The following ERI3 variants were observed in gnomAD, a reference collection of about 807,000 sequenced individuals.
The protein encoded by ERI3 is ERI1 exoribonuclease 3.
ERI3 carries 18 observed loss-of-function variants against 44.4 expected under a neutral mutation model. The ratio of observed to expected loss-of-function variants is 0.41; its 90% CI spans 0.28 to 0.60. The LOEUF (loss-of-function observed/expected upper bound fraction) is 0.60. Ranked by LOEUF, ERI3 falls within the 20% of genes least tolerant of loss-of-function variation. The pLI, the probability that ERI3 is intolerant of heterozygous loss-of-function variation, is 0.36. For missense variants in ERI3, 294 were observed against 435.5 expected (o/e 0.68, Z 2.89); for synonymous variants, 183 against 164.8 (o/e 1.11, Z -0.84).
At chr1:44,335,829 A>G (rs1442750867) in intron 3 of ERI3, among the ~76,000 whole-genome samples, 1 of 151,946 alleles carries the variant, frequency 6.6e-6, no homozygotes, top group Admixed American at 6.5e-5. Flanking sequence ...GACAGCCATC[A>G]AGCCGTTCTG....
chr1:44,354,795 C>G (rs1249813021), intron 1 of ERI3, 97 bp downstream of exon 1: 20 of 1,290,204 alleles, frequency 1.6e-5, no homozygotes, highest in Admixed American at 6.9e-5. Flanking sequence ...GCACATGGGC[C>G]AGCACCCCAG....
chr1:44,296,809 C>T (rs1300612682), intron 6 of ERI3, among the ~76,000 whole-genome samples: 2 of 152,144 alleles, frequency 1.3e-5, no homozygotes, highest in Non-Finnish European at 1.5e-5. Context: ...CCAGCTTGCC[C>T]CTTAGCTGAC....
At chr1:44,343,258 A>G (rs541098794) in intron 2 of ERI3, among the ~76,000 whole-genome samples, 1 of 152,280 alleles carries the variant, frequency 6.6e-6, no homozygotes, top group South Asian at 2.1e-4. Context: ...AAAGATATAA[A>G]TCAATAAAAT....
chr1:44,322,353 G>C (rs1646220731), intron 3 of ERI3, among the ~76,000 whole-genome samples: 1 of 149,874 alleles, frequency 6.7e-6, no homozygotes, highest in Admixed American at 6.7e-5. Context: ...TGCTCCCAGA[G>C]AGGAAGAACA....
At chr1:44,308,424 T>C (rs1415512403) in intron 5 of ERI3, 23 bp from the exon 6 acceptor site, 3 of 1,605,366 alleles carry the variant, frequency 1.9e-6, no homozygotes, top group Non-Finnish European at 2.6e-6. Context: ...CAAGAACAAA[T>C]GAGATTTTCC....
intron 5 of ERI3, 100 bp downstream of exon 5, chr1:44,313,069 T>C: frequency 9.9e-7 from 1 of 1,014,244 alleles, no homozygotes; most frequent in Non-Finnish European, 1.6e-6. Flanking sequence ...AATCAAGCCA[T>C]AATCATAGTC....
intron 7 of ERI3, chr1:44,283,947 T>G: frequency 2.1e-6 from 1 of 467,538 alleles, no homozygotes; most frequent in Non-Finnish European, 4.4e-6. Context: ...CTCACCCCCC[T>G]TGACCTCTCT....
At chr1:44,249,856 T>C (rs1185527985) in intron 7 of ERI3, among the ~76,000 whole-genome samples, 1 of 152,050 alleles carries the variant, frequency 6.6e-6, no homozygotes, top group Non-Finnish European at 1.5e-5. Context: ...TAAAATCACT[T>C]ACAAAGGCCG....
rs541671455 is a variant in ERI3, at chr1:44,332,958, G to A, written c.489+6087C>T. Among the ~76,000 whole-genome samples the A allele has an allele frequency of 2.1e-4, 32 of 152,352 alleles. No individual in the cohort carries two copies. The South Asian group carries it at 6.0e-3, about 29-fold the overall frequency. On this transcript the variant is annotated intron_variant, in intron 3 of 8. Transcript: ENST00000372257. Reference sequence around the variant, plus strand: ...AGAGGAATTCATTTATAGTGACCCTGAAAGAAGAGATGTGTTAAAGTAGAG... The same window carrying A: ...AGAGGAATTCATTTATAGTGACCCTAAAAGAAGAGATGTGTTAAAGTAGAG...
At chr1:44,344,324 T>A (rs1340932425) in intron 2 of ERI3, among the ~76,000 whole-genome samples, 4 of 152,174 alleles carry the variant, frequency 2.6e-5, no homozygotes. Flanking sequence ...AATTTTAAAA[T>A]TAAAAATATC....
chr1:44,312,897 G>T (rs1376860866), intron 5 of ERI3, among the ~76,000 whole-genome samples: 6 of 152,256 alleles, frequency 3.9e-5, no homozygotes, highest in Non-Finnish European at 8.8e-5. Flanking sequence ...GAGTCAGCCA[G>T]CATAGGGCCA....
chr1:44,279,672 C>A (rs192408673), intron 7 of ERI3, among the ~76,000 whole-genome samples: 2 of 152,316 alleles, frequency 1.3e-5, no homozygotes, highest in Non-Finnish European at 2.9e-5. Context: ...TCTCCTTCTC[C>A]CATTATCTCA....
chr1:44,225,918 T>C (rs905693507), intron 8 of ERI3, among the ~76,000 whole-genome samples: 1 of 152,182 alleles, frequency 6.6e-6, no homozygotes, highest in African/African-American at 2.4e-5. Flanking sequence ...AGTGATCTTG[T>C]ACCATATGGC....
chr1:44,258,058 T>C (rs1489000254), intron 7 of ERI3, among the ~76,000 whole-genome samples: 1 of 152,170 alleles, frequency 6.6e-6, no homozygotes, highest in Admixed American at 6.5e-5. Flanking sequence ...CTGTTAGGGC[T>C]AATCCCCTCA....
At chr1:44,328,009 CAGG>C (rs1238548141) in intron 3 of ERI3, among the ~76,000 whole-genome samples, 1 of 152,198 alleles carries the variant, frequency 6.6e-6, no homozygotes, top group East Asian at 1.9e-4. Flanking sequence ...GGCTGGGCTA[CAGG>C]AGGCCTTGCT....
intron 3 of ERI3, among the ~76,000 whole-genome samples, chr1:44,337,066 T>C (rs927012369): frequency 6.6e-6 from 1 of 152,204 alleles, no homozygotes; most frequent in Non-Finnish European, 1.5e-5. Flanking sequence ...AAAGGTGACA[T>C]TGACAGACCA....
intron 3 of ERI3, among the ~76,000 whole-genome samples, chr1:44,331,921 C>A (rs988091220): frequency 2.0e-5 from 3 of 152,158 alleles, no homozygotes; most frequent in African/African-American, 7.2e-5. Context: ...CTTTGTGCCC[C>A]CACTGTACCA....
intron 8 of ERI3, among the ~76,000 whole-genome samples, chr1:44,247,223 A>C (rs560044109): frequency 5.3e-5 from 8 of 152,336 alleles, no homozygotes; most frequent in African/African-American, 1.9e-4. Flanking sequence ...ACAGAGACAT[A>C]CAGCTAAAGG....
chr1:44,344,739 T>C (rs1646750972), intron 2 of ERI3, among the ~76,000 whole-genome samples: 1 of 152,242 alleles, frequency 6.6e-6, no homozygotes, highest in African/African-American at 2.4e-5. Context: ...CTGCAAACTA[T>C]CTTTCATCAG....
Sources: gnomAD v4.1 joint callset for allele counts (sites outside exome capture counted in the v4.1 genomes callset) on GRCh38, gnomAD v4.1.1 for gene constraint, MANE v1.5 for transcripts, NCBI Gene and HGNC (gene_info 2026-07-23, HGNC 2026-07-21) for gene names.